Variants in ZNF721 observed in about 807,000 individuals in gnomAD.
ZNF721 encodes the protein zinc finger protein 721.
ZNF721 carries 2 observed loss-of-function variants against 2.4 expected under a neutral mutation model. That is an observed-to-expected ratio of 0.82 (90% CI 0.34 to 2.58). The LOEUF (loss-of-function observed/expected upper bound fraction) is 2.58. Among genes scored for constraint, ZNF721 ranks in the 30% most tolerant of loss-of-function variants. ZNF721 has a pLI of 0.11. For missense variants in ZNF721, 1,187 were observed against 1,085.5 expected (o/e 1.09, Z -1.31); for synonymous variants, 398 against 381.8 (o/e 1.04, Z -0.50).
At chr4:486,121 T>A (rs2108721154) in intron 1 of ZNF721, among the ~76,000 whole-genome samples, 1 of 151,910 alleles carries the variant, frequency 6.6e-6, no homozygotes, top group Non-Finnish European at 1.5e-5. Flanking sequence ...TGATTCAGGG[T>A]GAGAAATGCA....
At chr4:450,339 C>T (rs1426531469) in intron 2 of ZNF721, among the ~76,000 whole-genome samples, 1 of 152,088 alleles carries the variant, frequency 6.6e-6, no homozygotes, top group African/African-American at 2.4e-5. Flanking sequence ...TATGCATCTA[C>T]AATACAGAAT....
chr4:496,861 C>T (rs1237815330), intron 1 of ZNF721, among the ~76,000 whole-genome samples: 3 of 151,450 alleles, frequency 2.0e-5, no homozygotes, highest in African/African-American at 7.3e-5. Flanking sequence ...TACAGGTGCC[C>T]GCCACCGCGC....
chr4:498,215 G>GAAAAAAAAAAAAAAAAAAA, intron 1 of ZNF721, among the ~76,000 whole-genome samples: 1 of 83,926 alleles, frequency 1.2e-5, no homozygotes, highest in East Asian at 4.4e-4. Context: ...AAAAGAAAAA[G>GAAAAAAAAAAAAAAAAAAA]AAAAAAAAAA....
chr4:490,882 A>T (rs1226927589), intron 1 of ZNF721, among the ~76,000 whole-genome samples: 1 of 151,198 alleles, frequency 6.6e-6, no homozygotes, highest in African/African-American at 2.4e-5. Flanking sequence ...TGAAGCCGGG[A>T]GGTGGAGGTT....
chr4:499,051 C>T lies in ZNF721; in HGVS notation c.-94+5G>A, dbSNP rs979864588. The T allele has an allele frequency of 7.8e-6, 4 of 510,576 alleles. No homozygotes were observed. The highest frequency in any genetic ancestry group is 1.0e-5 in the Non-Finnish European group (3 of 289,702). The allele number at this position is 510,576 out of a possible 1,614,324, so 31.6% of individuals were successfully genotyped here. A position where few individuals can be genotyped will look rare whatever the true frequency, so the allele number is the denominator to read the frequency against. ...CCAAATTAAAAACTTTTTAAAACCT[C>T]GTACCTCGCCGTGGGCGGCGACCGT... On this transcript the variant is annotated splice_donor_5th_base_variant and intron_variant, in intron 1 of 2. Transcript: ENST00000511833.
Position 450,952 on chromosome 4 carries a change from AAAAAATATATATATAT to A in ZNF721, c.35-6536_35-6521del, listed in dbSNP as rs1456370930. On this transcript the variant is annotated intron_variant, in intron 2 of 2. Transcript: ENST00000511833. ...ACTCTGTCTCCAAAAAAAAAAAAAA[AAAAAATATATATATAT>A]ATATATATATATATATATATATATA... Among the ~76,000 whole-genome samples, 16 of 42,070 alleles carry A rather than the reference AAAAAATATATATATAT, an allele frequency of 3.8e-4. 1 individual carries two copies. Among genetic ancestry groups the A allele is most frequent in the African/African-American group, 7.1e-4 (6 of 8,406 alleles). 27.6% of individuals were successfully genotyped at this position (42,070 alleles called of 152,430 possible). A position where few individuals can be genotyped will look rare whatever the true frequency, so the allele number is the denominator to read the frequency against.
In ZNF721 at chr4:442,128, G is replaced by A; in HGVS notation, c.2339C>T (p.Pro780Leu). The change falls in exon 3 of 3, where the codon CCC becomes CTC. Residue 780 changes from proline (P) to leucine (L), a missense_variant. Pro to Leu is a moderately conservative substitution (Grantham distance 98). Coordinates refer to ENST00000511833, the MANE Select transcript of ZNF721 (RefSeq NM_133474.4). ...TTTGCCACATTCCTTACATTTGTAG[G>A]GTTTCTTTCCAGTATGAATTTTCTC... ...RHEKIHTGKK[P>L]YKCKECGKVI... The A allele has an allele frequency of 1.9e-6, 3 of 1,613,716 alleles. No homozygotes were observed. Among genetic ancestry groups the A allele is most frequent in the African/African-American group, 2.7e-5 (2 of 75,042 alleles).
Position 475,170 on chromosome 4 carries a change from G to C in ZNF721, c.-93-2469C>G, listed in dbSNP as rs551082254. 2.8e-4 allele frequency among the ~76,000 whole-genome samples: 43 copies of C among 151,780 alleles called. No homozygotes were observed. The South Asian group carries it at 8.5e-3, about 30-fold the overall frequency. On this transcript the variant is annotated intron_variant, in intron 1 of 2. Coordinates refer to ENST00000511833, the MANE Select transcript of ZNF721 (RefSeq NM_133474.4). ...TCACTGCTCTCCAGGCTGGGTGACA[G>C]AGCCAGACTCCGTCTCAAAAAAAAA...
chr4:463,119 A>C (rs1715121609), intron 2 of ZNF721, among the ~76,000 whole-genome samples: 1 of 152,228 alleles, frequency 6.6e-6, no homozygotes, highest in South Asian at 2.1e-4. Context: ...AGTTCTCAAA[A>C]GAAGACATTT....
At chr4:486,512 A>G (rs1369362911) in intron 1 of ZNF721, among the ~76,000 whole-genome samples, 1 of 152,094 alleles carries the variant, frequency 6.6e-6, no homozygotes, top group Non-Finnish European at 1.5e-5. Context: ...AGTTGCTCCT[A>G]AATGTGGGGT....
At position 486,009 on chromosome 4, in the gene ZNF721, C is replaced by T. The variant is rs576514350; in HGVS notation, c.-94+13047G>A. 1.1e-4 allele frequency among the ~76,000 whole-genome samples: 16 copies of T among 152,026 alleles called. No individual in the cohort carries two copies. The East Asian group carries it at 3.1e-3, about 29-fold the overall frequency. ...AAATAAATAAATAAATAGATAGATT[C>T]TGGCTTAATTATTCCGTTGCAACTT... On this transcript the variant is annotated intron_variant, in intron 1 of 2. Transcript: ENST00000511833.
At chr4:489,325 A>C (rs1715969063) in intron 1 of ZNF721, among the ~76,000 whole-genome samples, 1 of 152,096 alleles carries the variant, frequency 6.6e-6, no homozygotes, top group Admixed American at 6.5e-5. Context: ...ACTCAGCCCC[A>C]CTTCTGGCAA....
At chr4:485,770 T>C (rs1715879491) in intron 1 of ZNF721, among the ~76,000 whole-genome samples, 1 of 152,064 alleles carries the variant, frequency 6.6e-6, no homozygotes, top group South Asian at 2.1e-4. Context: ...GGTCAAGAGA[T>C]CGAGACCATC....
At chr4:492,395 A>G (rs1553871613) in intron 1 of ZNF721, among the ~76,000 whole-genome samples, 2 of 152,226 alleles carry the variant, frequency 1.3e-5, no homozygotes, top group East Asian at 1.9e-4. Context: ...AAGGGTAGAG[A>G]AAGCCAAAAA....
intron 2 of ZNF721, among the ~76,000 whole-genome samples, chr4:449,948 G>T (rs1285635866): frequency 2.6e-5 from 4 of 152,116 alleles, no homozygotes; most frequent in African/African-American, 4.8e-5. Flanking sequence ...CGGTAAAATT[G>T]TAAGTTAGTA....
At chr4:457,512 T>G (rs1330339284) in intron 2 of ZNF721, among the ~76,000 whole-genome samples, 3 of 152,210 alleles carry the variant, frequency 2.0e-5, no homozygotes, top group Non-Finnish European at 2.9e-5. Flanking sequence ...ACTAGCACCA[T>G]CTGTGAAGAC....
At chr4:486,165 C>CTT (rs35987865) in intron 1 of ZNF721, among the ~76,000 whole-genome samples, 1 of 135,890 alleles carries the variant, frequency 7.4e-6, no homozygotes, top group African/African-American at 2.6e-5. Flanking sequence ...TTTTTCTTTT[C>CTT]TTTTTTTTTT....
chr4:454,079 T>G (rs80202489), intron 2 of ZNF721: 2 of 151,960 alleles, frequency 1.3e-5, no homozygotes, highest in Admixed American at 1.3e-4. Context: ...GCATTGTCCC[T>G]AATGAAACAC....
rs1383954134 is a variant in ZNF721, at chr4:444,171, T to C, written c.296A>G (p.Asp99Gly). The C allele has an allele frequency of 1.9e-6, 3 of 1,614,028 alleles. No homozygotes were observed. Among genetic ancestry groups the C allele is most frequent in the Middle Eastern group, 1.6e-4 (1 of 6,062 alleles). ...TTTCTCTCCAGTATGTCTTGTCTTATCTTTGTTTGAATTTGCAAATTTACT... is the reference window on the plus strand; with the variant it reads ...TTTCTCTCCAGTATGTCTTGTCTTACCTTTGTTTGAATTTGCAAATTTACT... ...VFSKFANSNKDKTRHTGEKHF... is the reference protein window; with the variant it reads ...VFSKFANSNKGKTRHTGEKHF... Residue 99 changes from aspartate to glycine, a missense_variant, in exon 3 of 3, where the codon GAT (aspartate) becomes GGT (glycine). Asp to Gly is a moderately conservative substitution (Grantham distance 94). Coordinates refer to ENST00000511833, the MANE Select transcript of ZNF721 (RefSeq NM_133474.4).
Sources: gnomAD v4.1 joint callset for allele counts (sites outside exome capture counted in the v4.1 genomes callset) on GRCh38, gnomAD v4.1.1 for gene constraint, MANE v1.5 for transcripts, NCBI Gene and HGNC (gene_info 2026-07-23, HGNC 2026-07-21) for gene names.